AGPAT3: variants seen among roughly 807,000 people sequenced by gnomAD.
AGPAT3 encodes 1-acylglycerol-3-phosphate O-acyltransferase 3.
Under a neutral mutation model 47.3 loss-of-function variants are expected in AGPAT3, and 5 were observed. That is an observed-to-expected ratio of 0.11 (90% confidence interval 0.06 to 0.22). The LOEUF is 0.22. Ranked by LOEUF, AGPAT3 falls within the 10% of genes least tolerant of loss-of-function variation. AGPAT3 has a pLI of 1.00. For missense variants in AGPAT3, 315 were observed against 493.0 expected, an observed-to-expected ratio of 0.64 and a Z score of 3.42; for synonymous variants, 212 against 208.3, an observed-to-expected ratio of 1.02 and a Z score of -0.15.
At position 43,945,783 on chromosome 21, in the gene AGPAT3, C is replaced by T. The variant is rs188845386; in HGVS notation, c.-48-13851C>T. Among the ~76,000 whole-genome samples the T allele has an allele frequency of 2.7e-3, 413 of 152,304 alleles. 2 individuals are homozygous for T. Among genetic ancestry groups the T allele is most frequent in the Middle Eastern group, 0.014 (4 of 294 alleles). ...AGAATGACAGATGTGGCATTTCAAT[C>T]GGTAAATAATGAGTACACCTTTAAG... On this transcript the variant is annotated intron_variant, in intron 2 of 9. Transcript: ENST00000291572.
intron 2 of AGPAT3, among the ~76,000 whole-genome samples, chr21:43,938,599 ATCT>A (rs879847681): frequency 1.3e-5 from 2 of 151,964 alleles, no homozygotes; most frequent in South Asian, 2.1e-4. Context: ...CGGCCTGCAA[ATCT>A]TCTATTTTGT....
Position 43,971,431 on chromosome 21 carries a change from G to C in AGPAT3, c.708G>C (p.Lys236Asn). The C allele has an allele frequency of 2.5e-6, 4 of 1,614,244 alleles. No homozygotes were observed. Among genetic ancestry groups the C allele is most frequent in the Non-Finnish European group, 3.4e-6 (4 of 1,180,046 alleles). Reference protein sequence around the residue: ...YDVTLNFRGNKNPSLLGILYG... With the variant: ...YDVTLNFRGNNNPSLLGILYG... Reference sequence around the variant, plus strand: ...TAACCCTGAACTTCAGAGGAAACAAGAACCCGTCCCTGCTGGGGATCCTCT... The same window carrying C: ...TAACCCTGAACTTCAGAGGAAACAACAACCCGTCCCTGCTGGGGATCCTCT... Residue 236 changes from lysine (K) to asparagine (N), a missense_variant, in exon 7 of 10, where the codon AAG (lysine) becomes AAC (asparagine). Coordinates refer to ENST00000291572, the MANE Select transcript of AGPAT3 (RefSeq NM_020132.5).
intron 8 of AGPAT3, among the ~76,000 whole-genome samples, chr21:43,978,876 G>A (rs1415235295): frequency 6.6e-6 from 1 of 152,166 alleles, no homozygotes; most frequent in African/African-American, 2.4e-5. Flanking sequence ...CTTTCTCTTT[G>A]TTTTATACGC....
At chr21:43,926,377 G>C (rs184399965) in intron 2 of AGPAT3, among the ~76,000 whole-genome samples, 9 of 152,314 alleles carry the variant, frequency 5.9e-5, no homozygotes, top group African/African-American at 1.9e-4. Context: ...GTAACACGTA[G>C]GACAGCGGGG....
rs2029908368 is a variant in AGPAT3, at chr21:43,983,343, CTG to C, written c.*953_*954del. 1 of 152,262 alleles carries C rather than the reference CTG, an allele frequency of 6.6e-6. No homozygotes were observed. Among genetic ancestry groups the C allele is most frequent in the South Asian group, 2.1e-4 (1 of 4,832 alleles). 9.4% of individuals were successfully genotyped at this position (152,262 alleles called of 1,614,324 possible). A position where few individuals can be genotyped will look rare whatever the true frequency, so the allele number is the denominator to read the frequency against. ...TCTGTTTTTTAAAGGTGGTTGGAGA[CTG>C]TTAACACTGAGCTCATTGACTTCTA... On this transcript the variant is annotated 3_prime_UTR_variant, in exon 10 of 10. Transcript: ENST00000291572.
chr21:43,918,083 T>G (rs1401168663), intron 2 of AGPAT3, among the ~76,000 whole-genome samples: 37 of 120,698 alleles, frequency 3.1e-4, no homozygotes, highest in African/African-American at 1.1e-3. Flanking sequence ...GTGTTGTGGG[T>G]GTTGTGGGTG....
chr21:43,888,693 C>T (rs986406907), intron 1 of AGPAT3, among the ~76,000 whole-genome samples: 2 of 152,126 alleles, frequency 1.3e-5, no homozygotes, highest in African/African-American at 4.8e-5. Context: ...ACCAGGAAAA[C>T]ATTAAACAGA....
At chr21:43,966,612 C>T (rs2089142173) in intron 3 of AGPAT3, 2 of 152,264 alleles carry the variant, frequency 1.3e-5, no homozygotes, top group Non-Finnish European at 2.9e-5. Flanking sequence ...TTCCCTGCAC[C>T]TGCACGCTGT....
intron 2 of AGPAT3, among the ~76,000 whole-genome samples, chr21:43,929,263 C>T (rs534048393): frequency 6.6e-6 from 1 of 152,324 alleles, no homozygotes; most frequent in South Asian, 2.1e-4. Flanking sequence ...CTCCAGAGCA[C>T]AGGAGACGGG....
At chr21:43,963,137 C>T (rs1376825518) in intron 3 of AGPAT3, among the ~76,000 whole-genome samples, 4 of 152,112 alleles carry the variant, frequency 2.6e-5, no homozygotes, top group Non-Finnish European at 5.9e-5. Flanking sequence ...CACCAGACAT[C>T]AATGTGAAGA....
At chr21:43,926,940 T>A (rs1367899710) in intron 2 of AGPAT3, among the ~76,000 whole-genome samples, 2 of 136,246 alleles carry the variant, frequency 1.5e-5, no homozygotes, top group Non-Finnish European at 3.0e-5. Flanking sequence ...GATTGCACCA[T>A]CTCACTCCAG....
At chr21:43,944,341 T>C (rs2087788054) in intron 2 of AGPAT3, among the ~76,000 whole-genome samples, 1 of 152,192 alleles carries the variant, frequency 6.6e-6, no homozygotes, top group Non-Finnish European at 1.5e-5. Context: ...CCCTCCCCCG[T>C]GGGCCCTGGG....
rs1247671753 is a variant in AGPAT3, at chr21:43,955,072, C to A, written c.-48-4562C>A. On this transcript the variant is annotated intron_variant, in intron 2 of 9. Transcript: ENST00000291572. This position sits in a 1 kb window ranked among gnomAD's most constrained non-coding sequence, Gnocchi z 4.1. ...ATCTGTGGCCCCCAAAGGCTGGGTG[C>A]CAGCTGCCTGTCGGCAGGGAGCGTA... 1 of 1,243,384 alleles carries A rather than the reference C, an allele frequency of 8.0e-7. No homozygotes were observed. Among genetic ancestry groups the A allele is most frequent in the Admixed American group, 2.5e-5 (1 of 39,430 alleles). 77.0% of individuals were successfully genotyped at this position (1,243,384 alleles called of 1,614,324 possible).
At chr21:43,972,992 C>T (rs927284912) in intron 7 of AGPAT3, among the ~76,000 whole-genome samples, 1 of 152,214 alleles carries the variant, frequency 6.6e-6, no homozygotes, top group Non-Finnish European at 1.5e-5. Context: ...ACGGTGGCCA[C>T]AGGCCCTCTA....
chr21:43,953,406 G>A (rs772419540), intron 2 of AGPAT3, among the ~76,000 whole-genome samples: 6 of 152,232 alleles, frequency 3.9e-5, no homozygotes, highest in African/African-American at 7.2e-5. Context: ...AGATGTGGAC[G>A]GACATGGAGG....
chr21:43,881,620 G>A (rs1181841109), intron 1 of AGPAT3, among the ~76,000 whole-genome samples: 1 of 152,214 alleles, frequency 6.6e-6, no homozygotes, highest in Non-Finnish European at 1.5e-5. Flanking sequence ...ACGTAGAAAT[G>A]ATAATATTTT....
Position 43,978,028 on chromosome 21 carries a change from A to C in AGPAT3, c.768-18A>C. On this transcript the variant is annotated intron_variant, in intron 7 of 9. Coordinates refer to ENST00000291572, the MANE Select transcript of AGPAT3 (RefSeq NM_020132.5). Reference sequence around the variant, plus strand: ...CATGTGGTGATTCACCCTACCTTGAATCTTCTTCATAAAACAGGAGATTTC... The same window carrying C: ...CATGTGGTGATTCACCCTACCTTGACTCTTCTTCATAAAACAGGAGATTTC... 1 of 1,607,376 alleles carries C rather than the reference A, an allele frequency of 6.2e-7. No individual in the cohort carries two copies. The highest frequency in any genetic ancestry group is 8.5e-7 in the Non-Finnish European group (1 of 1,175,660).
chr21:43,980,915 C>A, intron 8 of AGPAT3, 74 bp from the exon 9 acceptor site: 38 of 1,319,594 alleles, frequency 2.9e-5, no homozygotes, highest in Non-Finnish European at 2.9e-5. Context: ...TCATTGCCAA[C>A]AATCTTCTCC....
chr21:43,888,226 G>A (rs947148966), intron 1 of AGPAT3, among the ~76,000 whole-genome samples: 7 of 152,124 alleles, frequency 4.6e-5, no homozygotes, highest in Non-Finnish European at 1.0e-4. Flanking sequence ...TTTTTGTAGA[G>A]ATGGGGTCTC....
Sources: allele counts gnomAD v4.1 joint callset (sites outside exome capture counted in the v4.1 genomes callset), GRCh38; gene constraint gnomAD v4.1.1; non-coding constraint Gnocchi (gnomAD v3.1); transcripts MANE v1.5; gene names NCBI Gene and HGNC (gene_info 2026-07-23, HGNC 2026-07-21).